Variants in XRCC4 observed in about 807,000 individuals in gnomAD.
The protein encoded by XRCC4 is DNA repair protein XRCC4.
In XRCC4, 28 loss-of-function variants were observed where a neutral mutation model predicts 39.1. That is an observed-to-expected ratio of 0.72 (90% CI 0.53 to 0.98). The LOEUF is 0.98. Ranked by LOEUF, XRCC4 falls within the 50% of genes least tolerant of loss-of-function variation. XRCC4 has a pLI of 0.00. For missense variants in XRCC4, 350 were observed against 376.4 expected (o/e 0.93, Z 0.58); for synonymous variants, 123 against 126.4 (o/e 0.97, Z 0.18).
At chr5:83,236,273 A>G (rs1752683705) in intron 6 of XRCC4, among the ~76,000 whole-genome samples, 1 of 152,180 alleles carries the variant, frequency 6.6e-6, no homozygotes, top group African/African-American at 2.4e-5. Context: ...TCCTGAGCAA[A>G]AAGAACAAAA....
At chr5:83,315,490 CT>C (rs1755848188) in intron 7 of XRCC4, among the ~76,000 whole-genome samples, 1 of 152,164 alleles carries the variant, frequency 6.6e-6, no homozygotes, top group Admixed American at 6.5e-5. Flanking sequence ...CCATCTGGGA[CT>C]TTCATAGCTA....
intron 1 of XRCC4, among the ~76,000 whole-genome samples, chr5:83,082,143 C>T (rs1564379): frequency 0.45 from 68,461 of 151,994 alleles, 16,443 homozygotes; most frequent in African/African-American, 0.61. Context: ...CATTTCTTGC[C>T]TGGATTATAG....
At chr5:83,244,912 C>T (rs1753045438) in intron 6 of XRCC4, among the ~76,000 whole-genome samples, 1 of 152,186 alleles carries the variant, frequency 6.6e-6, no homozygotes, top group African/African-American at 2.4e-5. Context: ...AATTCAACTT[C>T]TTAGAAATTG....
the XRCC4 span, among the ~76,000 whole-genome samples, chr5:83,370,229 C>A: frequency 1.3e-5 from 2 of 152,112 alleles, no homozygotes; most frequent in African/African-American, 4.8e-5. Flanking sequence ...AATGTAGTCA[C>A]AAGACCTCTG....
intron 7 of XRCC4, among the ~76,000 whole-genome samples, chr5:83,282,626 G>A (rs1280836279): frequency 1.3e-5 from 2 of 151,664 alleles, no homozygotes; most frequent in East Asian, 1.9e-4. Flanking sequence ...GGTGGATCAC[G>A]AGGTCAGAGA....
At chr5:83,269,332 C>T (rs1260439627) in intron 7 of XRCC4, among the ~76,000 whole-genome samples, 8 of 151,864 alleles carry the variant, frequency 5.3e-5, no homozygotes, top group Admixed American at 5.3e-4. Flanking sequence ...CGAAAGAGAC[C>T]AGGTGCTTTC....
At chr5:83,165,631 C>T (rs1057164661) in intron 3 of XRCC4, among the ~76,000 whole-genome samples, 2 of 152,110 alleles carry the variant, frequency 1.3e-5, no homozygotes, top group Admixed American at 6.6e-5. Flanking sequence ...CCTCTCCCAC[C>T]GTCTACCTTC....
At chr5:83,218,198 A>C (rs568332293) in intron 6 of XRCC4, among the ~76,000 whole-genome samples, 5 of 145,882 alleles carry the variant, frequency 3.4e-5, no homozygotes, top group Non-Finnish European at 6.0e-5. Flanking sequence ...AGGTAGATCT[A>C]CTAATGCTAT....
chr5:83,235,022 G>A (rs889519618), intron 6 of XRCC4, among the ~76,000 whole-genome samples: 1 of 151,382 alleles, frequency 6.6e-6, no homozygotes, highest in Admixed American at 6.6e-5. Flanking sequence ...ATTGATAGTG[G>A]CATTGGTAAT....
intron 6 of XRCC4, among the ~76,000 whole-genome samples, chr5:83,241,709 GC>G (rs1436981207): frequency 6.6e-6 from 1 of 151,998 alleles, no homozygotes; most frequent in Non-Finnish European, 1.5e-5. Context: ...TTTACTAATA[GC>G]CTACTGTTGA....
intron 7 of XRCC4, among the ~76,000 whole-genome samples, chr5:83,265,975 A>G (rs1276568173): frequency 6.6e-6 from 1 of 152,086 alleles, no homozygotes; most frequent in Non-Finnish European, 1.5e-5. Context: ...AAATGTTTAT[A>G]GGAGACTTTT....
intron 6 of XRCC4, among the ~76,000 whole-genome samples, chr5:83,255,455 T>G (rs1248570522): frequency 6.6e-6 from 1 of 152,158 alleles, no homozygotes; most frequent in Non-Finnish European, 1.5e-5. Context: ...AAGGTTAAAC[T>G]GTAATTATCA....
chr5:83,304,284 A>C (rs989973368), intron 7 of XRCC4, among the ~76,000 whole-genome samples: 1 of 147,738 alleles, frequency 6.8e-6, no homozygotes, highest in African/African-American at 2.5e-5. Flanking sequence ...GGTTCATGTG[A>C]TTCTCCTACC....
chr5:83,365,515 T>C, the XRCC4 span, among the ~76,000 whole-genome samples: 1 of 152,098 alleles, frequency 6.6e-6, no homozygotes, highest in African/African-American at 2.4e-5. Flanking sequence ...TGGGAAAGCG[T>C]GATGTCTTTA....
chr5:83,277,173 A>G (rs11953701), intron 7 of XRCC4, among the ~76,000 whole-genome samples: 2,952 of 152,342 alleles, frequency 0.019, 87 homozygotes, highest in African/African-American at 0.066. Flanking sequence ...ATATGAAACC[A>G]TAATAGAGCA....
At chr5:83,177,264 A>G (rs1448429085) in intron 3 of XRCC4, among the ~76,000 whole-genome samples, 2 of 152,174 alleles carry the variant, frequency 1.3e-5, no homozygotes, top group Non-Finnish European at 2.9e-5. Flanking sequence ...TAAAACAAGA[A>G]TGGGGACAAG....
chr5:83,200,870 G>A (rs1751160416), intron 4 of XRCC4, among the ~76,000 whole-genome samples: 1 of 152,102 alleles, frequency 6.6e-6, no homozygotes, highest in Admixed American at 6.5e-5. Context: ...AGGAAGATAA[G>A]AATATCATGC....
chr5:83,364,724 C>A, the XRCC4 span, among the ~76,000 whole-genome samples: 1 of 152,192 alleles, frequency 6.6e-6, no homozygotes, highest in Non-Finnish European at 1.5e-5. Context: ...ACGGTTGAGT[C>A]TTCATTACAC....
chr5:83,180,893 T>C (rs535843107), intron 3 of XRCC4, among the ~76,000 whole-genome samples: 1 of 152,286 alleles, frequency 6.6e-6, no homozygotes, highest in South Asian at 2.1e-4. Context: ...GTTTACCTTA[T>C]CTCAAACACT....
Sources: gnomAD v4.1 joint callset for allele counts (sites outside exome capture counted in the v4.1 genomes callset) on GRCh38, gnomAD v4.1.1 for gene constraint, MANE v1.5 for transcripts, NCBI Gene and HGNC (gene_info 2026-07-23, HGNC 2026-07-21) for gene names.